MLLT6: variants seen among roughly 807,000 people sequenced by gnomAD.
The protein encoded by MLLT6 is protein AF-17.
In MLLT6, 22 loss-of-function variants were observed where a neutral mutation model predicts 103.0. The observed-to-expected ratio is 0.21, with a 90% CI of 0.15 to 0.31. The LOEUF is 0.31. Ranked by LOEUF, MLLT6 falls within the 10% of genes least tolerant of loss-of-function variation. The probability of loss-of-function intolerance (pLI) is 1.00; values close to 1 mark genes in which losing one functional copy is unlikely to be tolerated. For synonymous variants in MLLT6, 606 were observed against 623.5 expected, an observed-to-expected ratio of 0.97 and a Z score of 0.42; for missense variants, 1,199 against 1,441.7, an observed-to-expected ratio of 0.83 and a Z score of 2.73.
At position 38,715,781 on chromosome 17, in the gene MLLT6, C is replaced by T; in HGVS notation, c.989C>T (p.Ser330Phe). ...GVSSFTSASS[S>F]SSSSSSSSGG... ...AGCAGTTTTACCTCCGCCTCCTCTT[C>T]TTCCTCCTCCTCTTCCTCCTCCTCT... Residue 330 changes from serine (S) to phenylalanine (F), a missense_variant, in exon 9 of 20, where the codon TCT (serine) becomes TTT (phenylalanine). This residue lies in a region of MLLT6 where 1,034 missense variants were observed against 1,091.5 expected (regional missense o/e 0.95). Coordinates refer to ENST00000621332, the MANE Select transcript of MLLT6 (RefSeq NM_005937.4). The T allele has an allele frequency of 6.2e-7, 1 of 1,611,292 alleles. No homozygotes were observed.
At chr17:38,705,930 C>T (rs1218883112) in intron 1 of MLLT6, 189 bp downstream of exon 1, 2 of 265,704 alleles carry the variant, frequency 7.5e-6, no homozygotes, top group Non-Finnish European at 1.4e-5. Context: ...TGTTTTCTTG[C>T]CTATTGTTCC....
At position 38,717,631 on chromosome 17, in the gene MLLT6, G is replaced by T. The variant is rs747578782; in HGVS notation, c.1833+18G>T. On this transcript the variant is annotated intron_variant, in intron 11 of 19. Coordinates refer to ENST00000621332, the MANE Select transcript of MLLT6 (RefSeq NM_005937.4). ...CCACTCAGGTGAGACCTGACTCCTGGGCTCCTCCTTCCCTGGGCAGGTTGG... is the reference window on the plus strand; with the variant it reads ...CCACTCAGGTGAGACCTGACTCCTGTGCTCCTCCTTCCCTGGGCAGGTTGG... The T allele has an allele frequency of 6.2e-7, 1 of 1,610,288 alleles. No individual in the cohort carries two copies. The highest frequency in any genetic ancestry group is 1.1e-5 in the South Asian group (1 of 90,838).
chr17:38,716,837 C>T lies in MLLT6; in HGVS notation c.1507C>T (p.Leu503=). 1 of 1,612,680 alleles carries T rather than the reference C, an allele frequency of 6.2e-7. No individual in the cohort carries two copies. The highest frequency in any genetic ancestry group is 8.5e-7 in the Non-Finnish European group (1 of 1,179,318). The change falls in exon 10 of 20, where the codon CTG becomes TTG. Residue 503 remains leucine, a synonymous_variant. Coordinates refer to ENST00000621332, the MANE Select transcript of MLLT6 (RefSeq NM_005937.4). This position sits in a 1 kb window ranked among gnomAD's most constrained non-coding sequence, Gnocchi z 5.6. ...TGCCCCATCCTTGCCCAGTGCCCAG[C>T]TGGCTGGCTTTACCGCCACTGCTGC... ...PAAPSLPSAQ[L]AGFTATAASP...
intron 16 of MLLT6, chr17:38,721,228 C>G (rs932796679): frequency 5.7e-6 from 1 of 175,730 alleles, no homozygotes; most frequent in South Asian, 1.3e-4. Flanking sequence ...ATCCAACAAA[C>G]TGGGTTCTTG....
intron 16 of MLLT6, among the ~76,000 whole-genome samples, 194 bp from the exon 17 acceptor site, chr17:38,721,684 G>C: frequency 6.6e-6 from 1 of 152,238 alleles, no homozygotes; most frequent in East Asian, 1.9e-4. Flanking sequence ...TGGACTCCCA[G>C]GAAGGGGTCA....
At position 38,724,537 on chromosome 17, in the gene MLLT6, G is replaced by A. The variant is rs1905920755; in HGVS notation, c.2884-83G>A. ...CTCCTGATTCCAGTGTGATGGGGTG[G>A]GGCCTGGCCAGGCAGGGCAGGCAGG... On this transcript the variant is annotated intron_variant, in intron 18 of 19. Transcript: ENST00000621332. The surrounding 1 kb of genome is among the most constrained non-coding windows in gnomAD (Gnocchi z 5.4). The A allele has an allele frequency of 9.7e-7, 1 of 1,035,048 alleles. No individual in the cohort carries two copies. Among genetic ancestry groups the A allele is most frequent in the Non-Finnish European group, 1.4e-6 (1 of 710,906 alleles). The allele number at this position is 1,035,048 out of a possible 1,614,324, so 64.1% of individuals were successfully genotyped here. A position where few individuals can be genotyped will look rare whatever the true frequency, so the allele number is the denominator to read the frequency against.
chr17:38,706,074 C>T (rs571091828), intron 1 of MLLT6: 56 of 157,402 alleles, frequency 3.6e-4, no homozygotes, highest in South Asian at 8.2e-4. Context: ...TCCCCTCCCG[C>T]CCGGTTATTT....
Position 38,716,863 on chromosome 17 carries a change from C to G in MLLT6, c.1533C>G (p.Ala511=), listed in dbSNP as rs1905370695. ...AQLAGFTATA[A]SPFSGGSLVS... is the part of the protein sequence containing the mutation. ...TGGCTGGCTTTACCGCCACTGCTGC[C>G]TCACCCTTCTCTGGAGGTTCCCTGG... The change falls in exon 10 of 20, where the codon GCC becomes GCG. Residue 511 remains alanine, a synonymous_variant. Transcript: ENST00000621332. The surrounding 1 kb of genome is among the most constrained non-coding windows in gnomAD (Gnocchi z 5.6). 1 of 1,613,466 alleles carries G rather than the reference C, an allele frequency of 6.2e-7. No homozygotes were observed. Among genetic ancestry groups the G allele is most frequent in the African/African-American group, 1.3e-5 (1 of 74,944 alleles).
At chr17:38,718,056 C>G in intron 12 of MLLT6, 103 bp downstream of exon 12, 2 of 802,358 alleles carry the variant, frequency 2.5e-6, no homozygotes, top group East Asian at 5.1e-5. Flanking sequence ...TGGCTGCCCC[C>G]TCCCTCTGGC....
In MLLT6 at chr17:38,717,874, C is replaced by T; in HGVS notation, c.1863C>T (p.Ser621=). 1 of 1,614,030 alleles carries T rather than the reference C, an allele frequency of 6.2e-7. No individual in the cohort carries two copies. The highest frequency in any genetic ancestry group is 8.5e-7 in the Non-Finnish European group (1 of 1,179,888). The change falls in exon 12 of 20, where the codon AGC becomes AGT. Residue 621 remains serine (S), a synonymous_variant. Transcript: ENST00000621332. ...TTTCTCTGGCTGGCTCTACCTTTAG[C>T]CTCCCTTCTACCCACATCTTTGGAA... is the stretch of plus-strand genomic sequence containing the variant. ...QVFSLAGSTF[S]LPSTHIFGTP... is the part of the protein sequence containing the mutation.
At chr17:38,713,138 G>A (rs1010492827) in intron 8 of MLLT6, 2 of 698,536 alleles carry the variant, frequency 2.9e-6, no homozygotes, top group East Asian at 2.5e-5. Context: ...GATCGGTAGA[G>A]GACATCCCCT....
rs758600234 is a variant in MLLT6, at chr17:38,709,242, C to T, written c.424C>T (p.Arg142Cys). 7 of 1,613,746 alleles carry T rather than the reference C, an allele frequency of 4.3e-6. No homozygotes were observed. Among genetic ancestry groups the T allele is most frequent in the African/African-American group, 1.3e-5 (1 of 75,046 alleles). ...CTCGGGAGCCTGCATGACCTGTAAC[C>T]GCCATGGATGTCGACAAGCTTTCCA... ...AASGACMTCN[R>C]HGCRQAFHVT... is the part of the protein sequence containing the mutation. Residue 142 changes from arginine to cysteine, a missense_variant, in exon 5 of 20, where the codon CGC becomes TGC. Arg to Cys is a radical substitution (Grantham distance 180, BLOSUM62 -3). Around this residue, in one of 7 missense-constraint regions of MLLT6, gnomAD observed 59 missense variants for 135.1 expected, o/e 0.44. Transcript: ENST00000621332. The surrounding 1 kb of genome is among the most constrained non-coding windows in gnomAD (Gnocchi z 4.3).
chr17:38,707,625 C>T, intron 3 of MLLT6, 85 bp downstream of exon 3: 1 of 1,444,274 alleles, frequency 6.9e-7, no homozygotes, highest in Non-Finnish European at 9.7e-7. Context: ...GGGGTGGAGG[C>T]CGGGTTTCCT....
chr17:38,708,196 T>TC (rs747177667), intron 4 of MLLT6: 17 of 374,698 alleles, frequency 4.5e-5, no homozygotes, highest in Non-Finnish European at 8.3e-5. Flanking sequence ...CACACGCTGT[T>TC]CGGTGCTGAT....
rs1905331935 is a variant in MLLT6, at chr17:38,716,102, C to T, written c.1037-265C>T. On this transcript the variant is annotated intron_variant, in intron 9 of 19. Coordinates refer to ENST00000621332, the MANE Select transcript of MLLT6 (RefSeq NM_005937.4). The surrounding 1 kb of genome is among the most constrained non-coding windows in gnomAD (Gnocchi z 5.6). ...GCTGCAAGGTACAATTTTTCAAGAA[C>T]CCCCATTAACATTTTCTCCTATAAT... 1.7e-6 allele frequency: 1 copy of T among 598,108 alleles called. No homozygotes were observed. The highest frequency in any genetic ancestry group is 2.9e-6 in the Non-Finnish European group (1 of 340,766). The allele number at this position is 598,108 out of a possible 1,614,324, so 37.1% of individuals were successfully genotyped here.
chr17:38,707,376 C>G, intron 2 of MLLT6, 110 bp from the exon 3 acceptor site: 1 of 975,418 alleles, frequency 1.0e-6, no homozygotes, highest in Non-Finnish European at 1.6e-6. Flanking sequence ...CACTGTAGCC[C>G]CATCCATCCA....
intron 14 of MLLT6, 172 bp from the exon 15 acceptor site, chr17:38,720,200 C>A: frequency 2.8e-6 from 2 of 725,710 alleles, no homozygotes; most frequent in East Asian, 2.7e-5. Flanking sequence ...GTCTTCACAC[C>A]TGTGGCTCCC....
rs554281207 is a variant in MLLT6, at chr17:38,716,656, C to G, written c.1326C>G (p.His442Gln). 4.3e-6 allele frequency: 7 copies of G among 1,613,634 alleles called. No homozygotes were observed. Among genetic ancestry groups the G allele is most frequent in the African/African-American group, 4.0e-5 (3 of 75,046 alleles). Residue 442 changes from histidine to glutamine, a missense_variant, in exon 10 of 20, where the codon CAC becomes CAG. His to Gln is a conservative substitution (Grantham distance 24). Around this residue, in one of 7 missense-constraint regions of MLLT6, gnomAD observed 1,034 missense variants for 1,091.5 expected, o/e 0.95. Transcript: ENST00000621332. This position sits in a 1 kb window ranked among gnomAD's most constrained non-coding sequence, Gnocchi z 5.6. ...GGTCTGGGGCCTCGGCAGGCACCCACAAACGGATGCCCGCACTGAGTGCCA... is the reference window on the plus strand; with the variant it reads ...GGTCTGGGGCCTCGGCAGGCACCCAGAAACGGATGCCCGCACTGAGTGCCA... ...VTGSGASAGT[H>Q]KRMPALSATP...
chr17:38,711,747 A>G (rs1176452299), intron 6 of MLLT6, 100 bp from the exon 7 acceptor site: 1 of 1,409,598 alleles, frequency 7.1e-7, no homozygotes, highest in Non-Finnish European at 9.4e-7. Context: ...GACGGGGCAC[A>G]TGGGGCTGAC....
Sources: gnomAD v4.1 joint callset for allele counts (sites outside exome capture counted in the v4.1 genomes callset) on GRCh38, gnomAD v4.1.1 for gene constraint, gnomAD v4.1.1 regional missense constraint, Gnocchi (gnomAD v3.1) non-coding constraint, MANE v1.5 for transcripts, NCBI Gene and HGNC (gene_info 2026-07-23, HGNC 2026-07-21) for gene names.